The following ERLIN1 variants were observed in gnomAD, a reference collection of about 807,000 sequenced individuals.
ERLIN1 encodes the protein ER lipid raft associated 1.
In ERLIN1, 24 loss-of-function variants were observed where a neutral mutation model predicts 46.9. That is an observed-to-expected ratio of 0.51 (90% confidence interval 0.37 to 0.72). The LOEUF is 0.72. Among genes scored for constraint, ERLIN1 ranks in the 30% least tolerant of loss-of-function variants. ERLIN1 has a pLI of 0.00. For synonymous variants in ERLIN1, 158 were observed against 143.2 expected (o/e 1.10, Z -0.74); for missense variants, 293 against 417.9 (o/e 0.70, Z 2.61).
intron 4 of ERLIN1, among the ~76,000 whole-genome samples, chr10:100,177,772 C>T (rs751700492): frequency 5.3e-5 from 8 of 152,194 alleles, no homozygotes; most frequent in Non-Finnish European, 1.0e-4. Context: ...CTAGAAAATA[C>T]TTCTCTTTGA....
In ERLIN1 at chr10:100,185,798, C is replaced by A. The variant is rs1589567080; in HGVS notation, c.-172G>T. On this transcript the variant is annotated 5_prime_UTR_variant, in exon 1 of 11. Transcript: ENST00000421367. Reference sequence around the variant, plus strand: ...CTTCCCTTCTGGCTGAGCCCGCTGACCCCTTGCCAACTCCTCCGCCCCCGG... The same window carrying A: ...CTTCCCTTCTGGCTGAGCCCGCTGAACCCTTGCCAACTCCTCCGCCCCCGG... The A allele has an allele frequency of 4.0e-5, 24 of 604,008 alleles. No homozygotes were observed. In the East Asian group the frequency reaches 6.8e-4, roughly 17 times the overall value. 37.4% of individuals were successfully genotyped at this position (604,008 alleles called of 1,614,324 possible). A position where few individuals can be genotyped will look rare whatever the true frequency, so the allele number is the denominator to read the frequency against.
rs993382100 is a variant in ERLIN1 at position 100,151,822 on chromosome 10, C to T, written c.*309G>A. On this transcript the variant is annotated 3_prime_UTR_variant, in exon 11 of 11. Coordinates refer to ENST00000421367, the MANE Select transcript of ERLIN1 (RefSeq NM_006459.4). ...CAGATCTCAGCTTAGGAAAACACAG[C>T]TTGTTATATATTTAGTGTTTAACAT... The T allele has an allele frequency of 2.5e-6, 1 of 396,894 alleles. No homozygotes were observed. Among genetic ancestry groups the T allele is most frequent in the Admixed American group, 3.7e-5 (1 of 27,374 alleles). The allele number at this position is 396,894 out of a possible 1,614,324, so 24.6% of individuals were successfully genotyped here.
chr10:100,170,994 TG>T lies in ERLIN1; in HGVS notation c.504+3213del, dbSNP rs543000342. ...CAGTAATTACCGCTGTTACCCAATT[TG>T]GGGTTGAGGGGATGGAGCTGAAGGC... On this transcript the variant is annotated intron_variant, in intron 6 of 10. Coordinates refer to ENST00000421367, the MANE Select transcript of ERLIN1 (RefSeq NM_006459.4). Among the ~76,000 whole-genome samples the T allele has an allele frequency of 2.4e-4, 37 of 152,324 alleles. 1 individual carries two copies. The Middle Eastern group carries it at 0.01, about 42-fold the overall frequency.
chr10:100,151,093 T>C lies in ERLIN1; in HGVS notation c.*1038A>G, dbSNP rs1024682704. Reference sequence around the variant, plus strand: ...ATCTTAAGGAGCATCAGTGTGCTTGTGACCATGGCAGCCCTAGGACTTGGG... The same window carrying C: ...ATCTTAAGGAGCATCAGTGTGCTTGCGACCATGGCAGCCCTAGGACTTGGG... On this transcript the variant is annotated 3_prime_UTR_variant, in exon 11 of 11. Coordinates refer to ENST00000421367, the MANE Select transcript of ERLIN1 (RefSeq NM_006459.4). The C allele has an allele frequency of 2.6e-5, 4 of 152,608 alleles. No homozygotes were observed. The highest frequency in any genetic ancestry group is 9.7e-5 in the African/African-American group (4 of 41,436). 9.5% of individuals were successfully genotyped at this position (152,608 alleles called of 1,614,324 possible).
rs7086710 is a variant in ERLIN1, at chr10:100,167,290, A to G, written c.563+58T>C. ...TCTCACATGTTTCCTCTAGACTGGA[A>G]TATTAATATGCAGACAGCCCTAAAC... is the stretch of plus-strand genomic sequence containing the variant. On this transcript the variant is annotated intron_variant, in intron 7 of 10. Coordinates refer to ENST00000421367, the MANE Select transcript of ERLIN1 (RefSeq NM_006459.4). 0.052 allele frequency: 63,184 copies of G among 1,226,212 alleles called. 6,028 individuals are homozygous for G. The highest frequency in any genetic ancestry group is 0.38 in the African/African-American group (25,492 of 67,098). The allele number at this position is 1,226,212 out of a possible 1,614,324, so 76.0% of individuals were successfully genotyped here.
At position 100,185,679 on chromosome 10, in the gene ERLIN1, G is replaced by A. The variant is rs1844929970; in HGVS notation, c.-53C>T. On this transcript the variant is annotated 5_prime_UTR_variant, in exon 1 of 11. Coordinates refer to ENST00000421367, the MANE Select transcript of ERLIN1 (RefSeq NM_006459.4). ...AGGACCCTCAGTCCCGTGAGTGACA[G>A]GTCCACCCCCTCCAGTTTCTACCCT... 7.0e-7 allele frequency: 1 copy of A among 1,436,076 alleles called. No individual in the cohort carries two copies. The highest frequency in any genetic ancestry group is 1.4e-5 in the African/African-American group (1 of 71,502). The allele number at this position is 1,436,076 out of a possible 1,614,324, so 89.0% of individuals were successfully genotyped here. A position where few individuals can be genotyped will look rare whatever the true frequency, so the allele number is the denominator to read the frequency against.
intron 2 of ERLIN1, among the ~76,000 whole-genome samples, chr10:100,180,000 G>C (rs990332816): frequency 6.6e-6 from 1 of 152,212 alleles, no homozygotes; most frequent in Non-Finnish European, 1.5e-5. Flanking sequence ...AAGACTCAAA[G>C]CTGCCCTTGA....
intron 3 of ERLIN1, 37 bp downstream of exon 3, chr10:100,179,164 A>C (rs1175585926): frequency 6.6e-7 from 1 of 1,515,656 alleles, no homozygotes; most frequent in East Asian, 2.3e-5. Flanking sequence ...ACTCTGTCTG[A>C]GCTAAAGGGA....
intron 8 of ERLIN1, among the ~76,000 whole-genome samples, chr10:100,162,878 A>G (rs1843430684): frequency 6.6e-6 from 1 of 152,210 alleles, no homozygotes; most frequent in Admixed American, 6.5e-5. Context: ...TACACTGAGT[A>G]ATGCTACTCT....
intron 10 of ERLIN1, among the ~76,000 whole-genome samples, chr10:100,153,230 C>T (rs1425797580): frequency 6.6e-6 from 1 of 152,136 alleles, no homozygotes; most frequent in East Asian, 1.9e-4. Flanking sequence ...AGATGTTTGT[C>T]GACCACCAGA....
chr10:100,164,151 C>A (rs1399300546), intron 7 of ERLIN1, 56 bp from the exon 8 acceptor site: 17 of 1,189,836 alleles, frequency 1.4e-5, no homozygotes, highest in Non-Finnish European at 2.0e-5. Flanking sequence ...GCAGTCACAG[C>A]CAGTAATTCT....
At chr10:100,162,337 A>C (rs1036805002) in intron 8 of ERLIN1, among the ~76,000 whole-genome samples, 2 of 152,236 alleles carry the variant, frequency 1.3e-5, no homozygotes, top group African/African-American at 2.4e-5. Context: ...ATTATGTGAT[A>C]CCATGTCTTC....
intron 2 of ERLIN1, among the ~76,000 whole-genome samples, chr10:100,179,631 A>G (rs1844520511): frequency 6.6e-6 from 1 of 151,948 alleles, no homozygotes; most frequent in African/African-American, 2.4e-5. Context: ...TAATTTTTGT[A>G]TTTTTAGTAA....
chr10:100,174,201 A>T lies in ERLIN1; in HGVS notation c.504+7T>A. On this transcript the variant is annotated splice_region_variant and intron_variant, in intron 6 of 10. Transcript: ENST00000421367. ...CCCCAGAGAACTTCCCTAGGAAAAG[A>T]ACTTACCTGTATAGTGAGACCTGGG... The T allele has an allele frequency of 1.3e-6, 2 of 1,549,716 alleles. No individual in the cohort carries two copies. Among genetic ancestry groups the T allele is most frequent in the Non-Finnish European group, 1.8e-6 (2 of 1,141,416 alleles).
intron 5 of ERLIN1, among the ~76,000 whole-genome samples, chr10:100,174,946 T>C (rs1844206724): frequency 6.6e-6 from 1 of 152,212 alleles, no homozygotes; most frequent in Non-Finnish European, 1.5e-5. Context: ...GCAGGACCCA[T>C]CAGTTTCCTC....
intron 2 of ERLIN1, among the ~76,000 whole-genome samples, chr10:100,180,100 T>G (rs559031844): frequency 6.6e-6 from 1 of 152,358 alleles, no homozygotes; most frequent in East Asian, 1.9e-4. Context: ...CAGTTTCCTT[T>G]TTAATAGAAG....
At chr10:100,171,252 C>A (rs1843975795) in intron 6 of ERLIN1, among the ~76,000 whole-genome samples, 1 of 151,894 alleles carries the variant, frequency 6.6e-6, no homozygotes, top group African/African-American at 2.4e-5. Context: ...AAGGAAAAAA[C>A]AAAGTTAAAT....
chr10:100,153,925 T>C (rs756783507), intron 10 of ERLIN1, among the ~76,000 whole-genome samples: 2 of 152,094 alleles, frequency 1.3e-5, no homozygotes, highest in Non-Finnish European at 2.9e-5. Context: ...TTATATTGGT[T>C]TTCAAAGTAC....
intron 6 of ERLIN1, among the ~76,000 whole-genome samples, chr10:100,168,735 G>A (rs564964704): frequency 2.7e-5 from 4 of 150,022 alleles, no homozygotes; most frequent in South Asian, 2.1e-4. Context: ...GCTGGAGTGC[G>A]GTGGTGCAAT....
Sources: allele counts gnomAD v4.1 joint callset (sites outside exome capture counted in the v4.1 genomes callset), GRCh38; gene constraint gnomAD v4.1.1; transcripts MANE v1.5; gene names NCBI Gene and HGNC (gene_info 2026-07-23, HGNC 2026-07-21).